The following EPHA6 variants were observed in gnomAD, a reference collection of about 807,000 sequenced individuals.
The protein encoded by EPHA6 is ephrin type-A receptor 6.
A neutral mutation model predicts 112.0 loss-of-function variants in EPHA6; 50 were observed. The ratio of observed to expected loss-of-function variants is 0.45; its 90% CI spans 0.36 to 0.56. The LOEUF (loss-of-function observed/expected upper bound fraction) is 0.56. Ranked by LOEUF, EPHA6 falls within the 20% of genes least tolerant of loss-of-function variation. The pLI is 0.00. For missense variants in EPHA6, 1,280 were observed against 1,417.4 expected (o/e 0.90, Z 1.56); for synonymous variants, 529 against 490.7 (o/e 1.08, Z -1.03).
intron 16 of EPHA6, chr3:97,745,368 T>G (rs553672115): frequency 2.2e-6 from 1 of 453,990 alleles, no homozygotes; most frequent in African/African-American, 2.0e-5. Flanking sequence ...GGTCAAATCA[T>G]GAATCATTTT....
chr3:97,370,267 A>C (rs1385729126), intron 5 of EPHA6, among the ~76,000 whole-genome samples: 1 of 152,170 alleles, frequency 6.6e-6, no homozygotes, highest in African/African-American at 2.4e-5. Flanking sequence ...AGAAATAATA[A>C]TTGCTTCTTC....
At chr3:97,219,377 T>A (rs1355582567) in intron 3 of EPHA6, among the ~76,000 whole-genome samples, 1 of 152,210 alleles carries the variant, frequency 6.6e-6, no homozygotes, top group Non-Finnish European at 1.5e-5. Context: ...TGAAATATTA[T>A]AATAAATGTT....
intron 6 of EPHA6, among the ~76,000 whole-genome samples, chr3:97,418,794 C>A (rs1175291478): frequency 2.0e-5 from 3 of 152,116 alleles, no homozygotes; most frequent in Admixed American, 6.5e-5. Context: ...AAAATAGTAT[C>A]TTTCAAAAGA....
At position 96,985,828 on chromosome 3, in the gene EPHA6, G is replaced by GTATA. The variant is rs1378421903; in HGVS notation, c.451-1502_451-1501insTATA. On this transcript the variant is annotated intron_variant, in intron 2 of 17. Coordinates refer to ENST00000389672, the MANE Select transcript of EPHA6 (RefSeq NM_001080448.3). ...ATAGTGCTGTATACTGAGGAAAATAGGCATTCTGTTAGAAACTATACTATA... is the reference window on the plus strand; with the variant it reads ...ATAGTGCTGTATACTGAGGAAAATAGTATAGCATTCTGTTAGAAACTATACTATA... Among the ~76,000 whole-genome samples, 371 of 152,192 alleles carry GTATA rather than the reference G, an allele frequency of 2.4e-3. 2 individuals are homozygous for GTATA. The highest frequency in any genetic ancestry group is 8.4e-3 in the African/African-American group (350 of 41,514).
intron 9 of EPHA6, 42 bp from the exon 10 acceptor site, chr3:97,483,892 G>A (rs1439098797): frequency 4.5e-6 from 7 of 1,563,470 alleles, no homozygotes; most frequent in Non-Finnish European, 6.1e-6. Context: ...AGACCACTGA[G>A]ATACTCAAAC....
At chr3:97,627,354 AAGTGG>A (rs1365043857) in intron 13 of EPHA6, among the ~76,000 whole-genome samples, 2 of 151,814 alleles carry the variant, frequency 1.3e-5, no homozygotes, top group Admixed American at 1.3e-4. Flanking sequence ...GGGAAAAGGC[AAGTGG>A]AGTTGAGAGT....
intron 5 of EPHA6, among the ~76,000 whole-genome samples, chr3:97,388,714 G>A (rs994773206): frequency 6.6e-6 from 1 of 152,094 alleles, no homozygotes; most frequent in Non-Finnish European, 1.5e-5. Context: ...GAAATTCTCT[G>A]CTTTCAGGCA....
chr3:97,341,396 C>T (rs1437275112), intron 5 of EPHA6, among the ~76,000 whole-genome samples: 2 of 151,726 alleles, frequency 1.3e-5, no homozygotes, highest in Non-Finnish European at 2.9e-5. Context: ...TGCTCTGTCG[C>T]CAGGCTGGAG....
At chr3:97,666,496 C>A (rs1235702676) in intron 14 of EPHA6, among the ~76,000 whole-genome samples, 1 of 152,148 alleles carries the variant, frequency 6.6e-6, no homozygotes, top group African/African-American at 2.4e-5. Context: ...GGTTTGTTGG[C>A]AATCCTTGAT....
chr3:97,636,676 C>T (rs1234051716), intron 13 of EPHA6, among the ~76,000 whole-genome samples: 2 of 152,028 alleles, frequency 1.3e-5, no homozygotes, highest in African/African-American at 2.4e-5. Context: ...ACTGTGTCAC[C>T]ATGACAGCTA....
Position 96,861,756 on chromosome 3 carries a change from A to C in EPHA6, c.386-5069A>C, listed in dbSNP as rs113526638. 5.1e-3 allele frequency among the ~76,000 whole-genome samples: 780 copies of C among 152,112 alleles called. 8 individuals carry two copies. The highest frequency in any genetic ancestry group is 0.017 in the African/African-American group (709 of 41,558). ...AAGAATAACCACCACAACAAAACAA[A>C]ATGCTGTAAGTACACCTACTAAACA... On this transcript the variant is annotated intron_variant, in intron 1 of 17. Coordinates refer to ENST00000389672, the MANE Select transcript of EPHA6 (RefSeq NM_001080448.3).
At chr3:97,578,237 T>C (rs1040350631) in intron 11 of EPHA6, among the ~76,000 whole-genome samples, 15 of 151,968 alleles carry the variant, frequency 9.9e-5, no homozygotes, top group Non-Finnish European at 2.1e-4. Context: ...AGGTAAGCAA[T>C]CAACAGCTAG....
At chr3:97,541,421 G>C (rs1458463783) in intron 11 of EPHA6, among the ~76,000 whole-genome samples, 1 of 151,960 alleles carries the variant, frequency 6.6e-6, no homozygotes, top group South Asian at 2.1e-4. Context: ...GTATTAATTA[G>C]GTTGGTGCAA....
chr3:97,646,204 C>G (rs779974352), intron 14 of EPHA6: 48 of 1,535,564 alleles, frequency 3.1e-5, no homozygotes, highest in Non-Finnish European at 4.0e-5. Flanking sequence ...GAGTCCAGCT[C>G]TGGTTATGGT....
chr3:97,112,153 TAAA>T (rs1201841644), intron 3 of EPHA6, among the ~76,000 whole-genome samples: 4 of 152,116 alleles, frequency 2.6e-5, no homozygotes, highest in African/African-American at 9.7e-5. Context: ...TTTGCATAAA[TAAA>T]AAACAAAGAC....
At chr3:96,859,270 A>G (rs1387516353) in intron 1 of EPHA6, among the ~76,000 whole-genome samples, 1 of 152,110 alleles carries the variant, frequency 6.6e-6, no homozygotes, top group Non-Finnish European at 1.5e-5. Flanking sequence ...AAGTTGTTTA[A>G]TATGTATTTG....
intron 11 of EPHA6, among the ~76,000 whole-genome samples, chr3:97,535,356 C>T (rs372445107): frequency 3.3e-5 from 5 of 151,824 alleles, no homozygotes; most frequent in Admixed American, 6.6e-5. Flanking sequence ...TATAGGAAAA[C>T]GGATTGAGAA....
intron 10 of EPHA6, among the ~76,000 whole-genome samples, chr3:97,518,360 A>G (rs1341985301): frequency 3.9e-5 from 6 of 151,956 alleles, no homozygotes; most frequent in Admixed American, 1.3e-4. Context: ...TTATTCATAT[A>G]TCTACTGCCA....
chr3:97,000,287 A>ATATATATAGC (rs1553685583), intron 3 of EPHA6, among the ~76,000 whole-genome samples: 7 of 147,102 alleles, frequency 4.8e-5, no homozygotes, highest in Admixed American at 2.1e-4. Flanking sequence ...ACACACACAC[A>ATATATATAGC]CACACATATA....
Sources: allele counts gnomAD v4.1 joint callset (sites outside exome capture counted in the v4.1 genomes callset), GRCh38; gene constraint gnomAD v4.1.1; transcripts MANE v1.5; gene names NCBI Gene and HGNC (gene_info 2026-07-23, HGNC 2026-07-21).